The following PSMB2 variants were observed in gnomAD, a reference collection of about 807,000 sequenced individuals.
The protein encoded by PSMB2 is proteasome subunit beta type-2.
PSMB2 carries 13 observed loss-of-function variants against 25.7 expected under a neutral mutation model. The ratio of observed to expected loss-of-function variants is 0.51; its 90% CI spans 0.33 to 0.80. The LOEUF (loss-of-function observed/expected upper bound fraction) is 0.80, where lower values mean the gene tolerates loss of function less well. Ranked by LOEUF, PSMB2 falls within the 30% of genes least tolerant of loss-of-function variation. The probability of loss-of-function intolerance (pLI) is 0.02; values close to 1 mark genes in which losing one functional copy is unlikely to be tolerated. For synonymous variants in PSMB2, 87 were observed against 96.2 expected (o/e 0.90, Z 0.56); for missense variants, 202 against 259.0 (o/e 0.78, Z 1.51).
intron 3 of PSMB2, among the ~76,000 whole-genome samples, chr1:35,612,795 A>C (rs1650379871): frequency 6.6e-6 from 1 of 152,248 alleles, no homozygotes; most frequent in South Asian, 2.1e-4. Flanking sequence ...ATCAAGTTGC[A>C]ATGGTATATT....
At chr1:35,633,457 T>G (rs1007866406) in intron 2 of PSMB2, among the ~76,000 whole-genome samples, 2 of 144,538 alleles carry the variant, frequency 1.4e-5, no homozygotes, top group Non-Finnish European at 3.1e-5. Flanking sequence ...TGGCAGGTAA[T>G]TTAAGGGTCT....
intron 3 of PSMB2, among the ~76,000 whole-genome samples, chr1:35,623,412 G>C (rs1427235230): frequency 6.6e-6 from 1 of 152,148 alleles, no homozygotes; most frequent in African/African-American, 2.4e-5. Flanking sequence ...GTCTAAAAGG[G>C]CTGCTGCTTG....
intron 4 of PSMB2, among the ~76,000 whole-genome samples, 179 bp from the exon 5 acceptor site, chr1:35,605,461 G>T (rs544187096): frequency 6.6e-6 from 1 of 152,342 alleles, no homozygotes; most frequent in South Asian, 2.1e-4. Context: ...AGCTGGGGGG[G>T]CCCCAGACCC....
chr1:35,641,255 T>G, intron 1 of PSMB2, 87 bp downstream of exon 1: 1 of 1,522,252 alleles, frequency 6.6e-7, no homozygotes, highest in Non-Finnish European at 9.0e-7. Context: ...TCTCAGATCC[T>G]CCCTGGTACT....
At chr1:35,623,281 G>A (rs1241729279) in intron 3 of PSMB2, among the ~76,000 whole-genome samples, 1 of 152,106 alleles carries the variant, frequency 6.6e-6, no homozygotes, top group Non-Finnish European at 1.5e-5. Context: ...TTTACTTTAT[G>A]TCCTGTTAAG....
At chr1:35,626,274 T>C (rs985961132) in intron 3 of PSMB2, among the ~76,000 whole-genome samples, 1 of 152,226 alleles carries the variant, frequency 6.6e-6, no homozygotes, top group Non-Finnish European at 1.5e-5. Flanking sequence ...TTTTTCCCCA[T>C]CTGTCTTTTT....
At chr1:35,603,577 G>A (rs990976637) in intron 5 of PSMB2, among the ~76,000 whole-genome samples, 2 of 152,154 alleles carry the variant, frequency 1.3e-5, no homozygotes, top group African/African-American at 2.4e-5. Flanking sequence ...TGACTGGGAG[G>A]CAGGGAGGCT....
At chr1:35,619,266 T>C (rs1318893476) in intron 3 of PSMB2, among the ~76,000 whole-genome samples, 1 of 152,270 alleles carries the variant, frequency 6.6e-6, no homozygotes, top group African/African-American at 2.4e-5. Context: ...TCAGGAATGT[T>C]GCTGCATTTA....
chr1:35,627,044 T>C (rs966751367), intron 3 of PSMB2, among the ~76,000 whole-genome samples: 3 of 152,106 alleles, frequency 2.0e-5, no homozygotes, highest in African/African-American at 7.2e-5. Flanking sequence ...GCTACCATAC[T>C]GGACTGTGTA....
intron 3 of PSMB2, among the ~76,000 whole-genome samples, chr1:35,617,855 C>G (rs1650551249): frequency 6.6e-6 from 1 of 152,208 alleles, no homozygotes; most frequent in Non-Finnish European, 1.5e-5. Context: ...GTAAACCATA[C>G]AGCAACCAGT....
At chr1:35,618,489 G>C (rs748103389) in intron 3 of PSMB2, among the ~76,000 whole-genome samples, 1 of 151,982 alleles carries the variant, frequency 6.6e-6, no homozygotes, top group African/African-American at 2.4e-5. Context: ...CTATGGCAAA[G>C]GTATACCTAA....
intron 3 of PSMB2, among the ~76,000 whole-genome samples, chr1:35,623,235 G>A (rs552419299): frequency 5.3e-5 from 8 of 152,316 alleles, no homozygotes; most frequent in East Asian, 3.9e-4. Context: ...GAACCAAACT[G>A]AGTATCCATC....
In PSMB2 at chr1:35,600,932, T is replaced by G. The variant is rs184387832; in HGVS notation, c.*2335A>C. Reference sequence around the variant, plus strand: ...TTACCTATATTACTTCATGGAATTCTCATATCTACCACATAGAATAGGTGC... The same window carrying G: ...TTACCTATATTACTTCATGGAATTCGCATATCTACCACATAGAATAGGTGC... On this transcript the variant is annotated 3_prime_UTR_variant, in exon 6 of 6. Coordinates refer to ENST00000373237, the MANE Select transcript of PSMB2 (RefSeq NM_002794.5). 1 of 984,950 alleles carries G rather than the reference T, an allele frequency of 1.0e-6. No individual in the cohort carries two copies. Among genetic ancestry groups the G allele is most frequent in the East Asian group, 1.1e-4 (1 of 8,816 alleles). 61.0% of individuals were successfully genotyped at this position (984,950 alleles called of 1,614,324 possible).
At chr1:35,615,636 G>A (rs1650472330) in intron 3 of PSMB2, among the ~76,000 whole-genome samples, 1 of 152,210 alleles carries the variant, frequency 6.6e-6, no homozygotes, top group South Asian at 2.1e-4. Context: ...ACAGCAAGGG[G>A]GAGAGAGGTG....
At chr1:35,606,605 T>C (rs998507541) in intron 4 of PSMB2, among the ~76,000 whole-genome samples, 1 of 152,144 alleles carries the variant, frequency 6.6e-6, no homozygotes, top group African/African-American at 2.4e-5. Context: ...ATTAATATTA[T>C]GAAGATGACA....
intron 1 of PSMB2, 108 bp downstream of exon 1, chr1:35,641,234 C>A (rs1651386713): frequency 7.2e-7 from 1 of 1,383,558 alleles, no homozygotes; most frequent in African/African-American, 1.4e-5. Context: ...CAGGGCAGGC[C>A]GGCTTCCATC....
At chr1:35,622,009 A>G (rs1650701863) in intron 3 of PSMB2, among the ~76,000 whole-genome samples, 1 of 152,206 alleles carries the variant, frequency 6.6e-6, no homozygotes, top group Non-Finnish European at 1.5e-5. Flanking sequence ...AAGAAGAAAA[A>G]AAAAAGCATA....
rs1649940605 is a variant in PSMB2, at chr1:35,599,930, C to T, written c.*3337G>A. ...GGAGGATCACTTGAGGCCAAGAGTT[C>T]GAGACCAGCCTAGGCAACATGGCGA... On this transcript the variant is annotated 3_prime_UTR_variant, in exon 6 of 6. Coordinates refer to ENST00000373237, the MANE Select transcript of PSMB2 (RefSeq NM_002794.5). 2.4e-6 allele frequency: 2 copies of T among 841,172 alleles called. No homozygotes were observed. The highest frequency in any genetic ancestry group is 2.9e-6 in the Non-Finnish European group (2 of 698,662). The allele number at this position is 841,172 out of a possible 1,614,324, so 52.1% of individuals were successfully genotyped here.
chr1:35,601,290 T>C lies in PSMB2; in HGVS notation c.*1977A>G, dbSNP rs112880963. On this transcript the variant is annotated 3_prime_UTR_variant, in exon 6 of 6. Coordinates refer to ENST00000373237, the MANE Select transcript of PSMB2 (RefSeq NM_002794.5). The stretch of plus-strand genomic sequence containing the variant: ...TTCACCATGTTGGCCAGGCTGGTCT[T>C]GAACTCCTGACCTCAGGTGATCCGC... The C allele has an allele frequency of 6.4e-3, 5,279 of 823,964 alleles. 144 individuals are homozygous for C. The highest frequency in any genetic ancestry group is 0.061 in the East Asian group (490 of 7,998). 51.0% of individuals were successfully genotyped at this position (823,964 alleles called of 1,614,324 possible).
Sources: allele counts gnomAD v4.1 joint callset (sites outside exome capture counted in the v4.1 genomes callset), GRCh38; gene constraint gnomAD v4.1.1; transcripts MANE v1.5; gene names NCBI Gene and HGNC (gene_info 2026-07-23, HGNC 2026-07-21).